PXK: variants seen among roughly 807,000 people sequenced by gnomAD.
PXK encodes the protein PX domain-containing protein kinase-like protein.
Under a neutral mutation model 84.7 loss-of-function variants are expected in PXK, and 35 were observed. The ratio of observed to expected loss-of-function variants is 0.41; its 90% CI spans 0.32 to 0.55. The LOEUF is 0.55. PXK is among the 20% of genes least tolerant of loss of function. The pLI is 0.21. For synonymous variants in PXK, 253 were observed against 260.8 expected (o/e 0.97, Z 0.29); for missense variants, 634 against 699.7 (o/e 0.91, Z 1.06).
chr3:58,415,316 A>C (rs1159719630), intron 17 of PXK, among the ~76,000 whole-genome samples: 1 of 152,172 alleles, frequency 6.6e-6, no homozygotes, highest in Non-Finnish European at 1.5e-5. Flanking sequence ...TTCTGACACC[A>C]TTTGCAAGGA....
intron 3 of PXK, among the ~76,000 whole-genome samples, chr3:58,378,749 T>C (rs1010724853): frequency 1.3e-5 from 2 of 151,812 alleles, no homozygotes; most frequent in Non-Finnish European, 2.9e-5. Flanking sequence ...TTGGTCAGGC[T>C]AATCTCAAAC....
Position 58,397,501 on chromosome 3 carries a change from G to A in PXK, c.985-104G>A. The A allele has an allele frequency of 2.0e-6, 2 of 997,102 alleles. No individual in the cohort carries two copies. The highest frequency in any genetic ancestry group is 1.4e-5 in the South Asian group (1 of 73,218). The allele number at this position is 997,102 out of a possible 1,614,324, so 61.8% of individuals were successfully genotyped here. On this transcript the variant is annotated intron_variant, in intron 10 of 17. Transcript: ENST00000356151. The surrounding 1 kb of genome is among the most constrained non-coding windows in gnomAD (Gnocchi z 4.7). ...CATTTACGTTACCAATTAGGAACGG[G>A]GCTATCCCTGGGCTTTGTTTCTCAG...
At chr3:58,413,599 C>A (rs1251955940) in intron 17 of PXK, 1 of 145,216 alleles carries the variant, frequency 6.9e-6, no homozygotes, top group Non-Finnish European at 1.6e-5. Context: ...TGTTGAGTAG[C>A]CCCATAATAC....
rs2057916031 is a variant in PXK at position 58,397,663 on chromosome 3, G to A, written c.1043G>A (p.Gly348Glu). ...CACTTACTGTATGAAATGACTTATG[G>A]ACGACCGCCAGACTCGGTGCCTGTG... ...FGHLLYEMTY[G>E]RPPDSVPVDS... The change falls in exon 11 of 18, where the codon GGA (glycine) becomes GAA (glutamate). Residue 348 changes from glycine to glutamate, a missense_variant. Physicochemically the swap from Gly to Glu is moderately conservative, Grantham distance 98 (BLOSUM62 -2). Around this residue, in one of 3 missense-constraint regions of PXK, gnomAD observed 8 missense variants for 30.9 expected, o/e 0.26. Coordinates refer to ENST00000356151, the MANE Select transcript of PXK (RefSeq NM_017771.5). The surrounding 1 kb of genome is among the most constrained non-coding windows in gnomAD (Gnocchi z 4.7). 6.2e-7 allele frequency: 1 copy of A among 1,614,010 alleles called. No homozygotes were observed. Among genetic ancestry groups the A allele is most frequent in the Non-Finnish European group, 8.5e-7 (1 of 1,180,018 alleles).
chr3:58,356,540 G>A (rs1180957013), intron 1 of PXK, among the ~76,000 whole-genome samples: 1 of 152,086 alleles, frequency 6.6e-6, no homozygotes, highest in Non-Finnish European at 1.5e-5. Context: ...CTGGTCTCCA[G>A]GGCTCTCTTC....
intron 6 of PXK, 67 bp downstream of exon 6, chr3:58,391,287 A>G: frequency 7.3e-7 from 1 of 1,368,626 alleles, no homozygotes. Context: ...CAGATTTGAC[A>G]AGAGAATTAC....
At chr3:58,353,950 A>C (rs1409125612) in intron 1 of PXK, among the ~76,000 whole-genome samples, 1 of 152,192 alleles carries the variant, frequency 6.6e-6, no homozygotes, top group Non-Finnish European at 1.5e-5. Flanking sequence ...GCAGAGAAGT[A>C]GCGTGGTGGT....
chr3:58,381,839 C>A (rs1463617702), intron 3 of PXK, among the ~76,000 whole-genome samples: 1 of 152,038 alleles, frequency 6.6e-6, no homozygotes, highest in Admixed American at 6.6e-5. Flanking sequence ...GTCAAAAGAT[C>A]AGCTGAGAGA....
chr3:58,365,818 T>C (rs1475294933), intron 1 of PXK, 56 bp from the exon 2 acceptor site: 2 of 1,346,970 alleles, frequency 1.5e-6, no homozygotes, highest in African/African-American at 3.0e-5. Context: ...GATTCCCTGC[T>C]TTGGGAATCA....
At chr3:58,349,075 A>G (rs1246197689) in intron 1 of PXK, among the ~76,000 whole-genome samples, 1 of 152,050 alleles carries the variant, frequency 6.6e-6, no homozygotes, top group Non-Finnish European at 1.5e-5. Context: ...AGATACAGAC[A>G]TTAAAAATAT....
intron 3 of PXK, among the ~76,000 whole-genome samples, chr3:58,371,678 T>G (rs2098373705): frequency 6.6e-6 from 1 of 152,228 alleles, no homozygotes; most frequent in South Asian, 2.1e-4. Context: ...AACTCTTCAC[T>G]TATGGCCTTT....
chr3:58,425,271 C>G lies in PXK; in HGVS notation c.*311C>G. 9.7e-6 allele frequency: 3 copies of G among 307,912 alleles called. No homozygotes were observed. The highest frequency in any genetic ancestry group is 7.2e-5 in the South Asian group (2 of 27,912). 19.1% of individuals were successfully genotyped at this position (307,912 alleles called of 1,614,324 possible). ...ATTTTCACCAACTAAAGGAAATAGA[C>G]AGAAAAACAATGACAATATTCAATC... On this transcript the variant is annotated 3_prime_UTR_variant, in exon 18 of 18. Coordinates refer to ENST00000356151, the MANE Select transcript of PXK (RefSeq NM_017771.5).
At chr3:58,386,356 C>T (rs1400896904) in intron 4 of PXK, among the ~76,000 whole-genome samples, 2 of 124,396 alleles carry the variant, frequency 1.6e-5, no homozygotes, top group East Asian at 2.8e-4. Flanking sequence ...AGTGCTGTAG[C>T]GTGGTCTTGG....
intron 13 of PXK, among the ~76,000 whole-genome samples, chr3:58,404,567 G>A (rs2059107281): frequency 6.6e-6 from 1 of 152,208 alleles, no homozygotes; most frequent in Non-Finnish European, 1.5e-5. Context: ...CTATGGGCAA[G>A]CACTTAATCT....
chr3:58,337,874 CTTTA>C (rs935053034), intron 1 of PXK, among the ~76,000 whole-genome samples: 1 of 152,136 alleles, frequency 6.6e-6, no homozygotes, highest in Non-Finnish European at 1.5e-5. Flanking sequence ...GACTTTTAAA[CTTTA>C]TTTATTTATC....
intron 3 of PXK, among the ~76,000 whole-genome samples, chr3:58,372,993 A>G (rs1307678376): frequency 6.6e-6 from 1 of 152,138 alleles, no homozygotes; most frequent in Non-Finnish European, 1.5e-5. Context: ...AACTGGGCAG[A>G]GAGAGAAAGA....
At chr3:58,382,281 A>G (rs570767873) in intron 3 of PXK, among the ~76,000 whole-genome samples, 50 of 152,302 alleles carry the variant, frequency 3.3e-4, no homozygotes, top group Admixed American at 1.1e-3. Context: ...GCACCACTGC[A>G]CTCCAGCCTG....
intron 1 of PXK, among the ~76,000 whole-genome samples, chr3:58,335,698 G>A (rs1480641930): frequency 1.3e-5 from 2 of 152,054 alleles, no homozygotes; most frequent in African/African-American, 4.8e-5. Flanking sequence ...GACAGACTTG[G>A]GGTTGGAAGA....
chr3:58,359,632 A>C (rs924136645), intron 1 of PXK, among the ~76,000 whole-genome samples: 8 of 152,222 alleles, frequency 5.3e-5, no homozygotes, highest in Non-Finnish European at 7.3e-5. Flanking sequence ...AGACATAAAA[A>C]AAACATGTTT....
Sources: gnomAD v4.1 joint callset for allele counts (sites outside exome capture counted in the v4.1 genomes callset) on GRCh38, gnomAD v4.1.1 for gene constraint, gnomAD v4.1.1 regional missense constraint, Gnocchi (gnomAD v3.1) non-coding constraint, MANE v1.5 for transcripts, NCBI Gene and HGNC (gene_info 2026-07-23, HGNC 2026-07-21) for gene names.